CXXC5: variants seen among roughly 807,000 people sequenced by gnomAD.
The protein encoded by CXXC5 is CXXC-type zinc finger protein 5.
A neutral mutation model predicts 17.6 loss-of-function variants in CXXC5; 2 were observed. The observed-to-expected ratio is 0.11, with a 90% CI of 0.05 to 0.36. The LOEUF is 0.36. Among genes scored for constraint, CXXC5 ranks in the 10% least tolerant of loss-of-function variants. The pLI is 1.00. For synonymous variants in CXXC5, 171 were observed against 193.0 expected (o/e 0.89, Z 0.94); for missense variants, 343 against 458.3 (o/e 0.75, Z 2.30).
chr5:139,652,163 CGCGCGCGCGTGTGT>C (rs1275958957), intron 1 of CXXC5, among the ~76,000 whole-genome samples: 38 of 139,900 alleles, frequency 2.7e-4, no homozygotes, highest in African/African-American at 9.7e-4. Flanking sequence ...CGCGCGCGCG[CGCGCGCGCGTGTGT>C]GTGTGTGTGT....
chr5:139,651,333 C>T (rs1475020732), intron 1 of CXXC5, among the ~76,000 whole-genome samples: 1 of 152,060 alleles, frequency 6.6e-6, no homozygotes, highest in East Asian at 1.9e-4. Flanking sequence ...GGGCCAGTGG[C>T]CTCGTCTTTA....
chr5:139,650,222 G>A (rs1193444215), intron 1 of CXXC5, among the ~76,000 whole-genome samples: 1 of 152,176 alleles, frequency 6.6e-6, no homozygotes, highest in Non-Finnish European at 1.5e-5. Context: ...CCCGCGACGG[G>A]GGTCTGAAGG....
intron 1 of CXXC5, among the ~76,000 whole-genome samples, chr5:139,662,136 C>T (rs1755854064): frequency 6.6e-6 from 1 of 152,142 alleles, no homozygotes; most frequent in Non-Finnish European, 1.5e-5. Flanking sequence ...ATCAAATGGG[C>T]CCAGGAGTCT....
At chr5:139,655,049 G>A (rs866953385) in intron 1 of CXXC5, among the ~76,000 whole-genome samples, 4 of 152,176 alleles carry the variant, frequency 2.6e-5, no homozygotes, top group Non-Finnish European at 5.9e-5. Flanking sequence ...AGGAGGTGCC[G>A]TGGCAGCGGC....
rs990326716 is a variant in CXXC5, at chr5:139,681,780, T to G, written c.924+333T>G. Among the ~76,000 whole-genome samples, 4 of 152,242 alleles carry G rather than the reference T, an allele frequency of 2.6e-5. No individual in the cohort carries two copies. In the East Asian group the frequency reaches 7.7e-4, roughly 29 times the overall value. On this transcript the variant is annotated intron_variant, in intron 2 of 2. Transcript: ENST00000302517. ...GATTTCCATACAGGTCCTAAGTTTC[T>G]GATGCTCAGACATGGCCTAAAGCAT...
chr5:139,677,939 A>AG (rs1756949253), intron 1 of CXXC5, among the ~76,000 whole-genome samples: 2 of 152,204 alleles, frequency 1.3e-5, no homozygotes. Flanking sequence ...AGCTGGGAGG[A>AG]GGGAGGGGGT....
At chr5:139,654,577 CAT>C (rs1755388665) in intron 1 of CXXC5, among the ~76,000 whole-genome samples, 1 of 152,196 alleles carries the variant, frequency 6.6e-6, no homozygotes, top group African/African-American at 2.4e-5. Flanking sequence ...AAGAAAATAA[CAT>C]GTGGCTCACA....
intron 1 of CXXC5, among the ~76,000 whole-genome samples, chr5:139,660,801 G>A (rs1471814933): frequency 6.6e-6 from 1 of 151,580 alleles, no homozygotes; most frequent in Non-Finnish European, 1.5e-5. Context: ...TGCTGGGGTT[G>A]GGGGGAGTAC....
chr5:139,654,122 C>G (rs1051401235), intron 1 of CXXC5, among the ~76,000 whole-genome samples: 1 of 152,196 alleles, frequency 6.6e-6, no homozygotes, highest in Admixed American at 6.5e-5. Flanking sequence ...CTCCTACAGG[C>G]TCTGCCCCTC....
intron 1 of CXXC5, among the ~76,000 whole-genome samples, chr5:139,665,361 G>A (rs1051804746): frequency 7.9e-5 from 12 of 152,268 alleles, no homozygotes; most frequent in Middle Eastern, 3.2e-3. Context: ...GTGGGGGATG[G>A]GGGCACCGGG....
chr5:139,655,778 GC>G (rs1020400610), intron 1 of CXXC5, among the ~76,000 whole-genome samples: 13 of 150,644 alleles, frequency 8.6e-5, no homozygotes, highest in African/African-American at 2.7e-4. Flanking sequence ...GTGCCGGCCG[GC>G]CGTGAGAGCT....
chr5:139,682,755 A>G, intron 2 of CXXC5, 108 bp from the exon 3 acceptor site: 2 of 1,185,764 alleles, frequency 1.7e-6, no homozygotes. Context: ...CTCTTCCTCC[A>G]TGCCTGTCCC....
At chr5:139,655,115 C>T (rs1176305790) in intron 1 of CXXC5, among the ~76,000 whole-genome samples, 5 of 152,212 alleles carry the variant, frequency 3.3e-5, no homozygotes, top group East Asian at 1.9e-4. Context: ...TCTGGAAGGC[C>T]GGCTGTACCC....
intron 1 of CXXC5, among the ~76,000 whole-genome samples, chr5:139,656,669 CT>C (rs1256142495): frequency 2.6e-5 from 4 of 152,182 alleles, no homozygotes; most frequent in African/African-American, 9.7e-5. Context: ...GTTTGAAGAA[CT>C]TTAGCTGCTG....
chr5:139,667,068 G>A (rs1413568858), intron 1 of CXXC5, among the ~76,000 whole-genome samples: 1 of 152,176 alleles, frequency 6.6e-6, no homozygotes, highest in Non-Finnish European at 1.5e-5. Context: ...TAGCTGTTCA[G>A]GATCAAAGGG....
chr5:139,666,608 A>G (rs1756126382), intron 1 of CXXC5, among the ~76,000 whole-genome samples: 1 of 152,242 alleles, frequency 6.6e-6, no homozygotes, highest in South Asian at 2.1e-4. Context: ...AGGGAGATGA[A>G]CGTGGGCGCT....
chr5:139,682,990 C>T lies in CXXC5; in HGVS notation c.*83C>T, dbSNP rs1262469146. The T allele has an allele frequency of 1.7e-5, 21 of 1,228,146 alleles. No homozygotes were observed. The highest frequency in any genetic ancestry group is 2.0e-4 in the Middle Eastern group (1 of 4,970). 76.1% of individuals were successfully genotyped at this position (1,228,146 alleles called of 1,614,324 possible). ...AGCAAGGGATTCGGGCGAAGACAAA[C>T]GGATGCACCCGTCTTTAGAACCAAA... is the stretch of plus-strand genomic sequence containing the variant. On this transcript the variant is annotated 3_prime_UTR_variant, in exon 3 of 3. Coordinates refer to ENST00000302517, the MANE Select transcript of CXXC5 (RefSeq NM_016463.9).
intron 1 of CXXC5, among the ~76,000 whole-genome samples, chr5:139,654,613 G>C (rs1755390476): frequency 6.6e-6 from 1 of 152,190 alleles, no homozygotes; most frequent in Non-Finnish European, 1.5e-5. Context: ...TCTCCATTCA[G>C]CTGATTACCA....
intron 1 of CXXC5, among the ~76,000 whole-genome samples, chr5:139,653,617 G>C (rs1311886489): frequency 6.6e-6 from 1 of 152,130 alleles, no homozygotes; most frequent in Non-Finnish European, 1.5e-5. Context: ...TTGAGAAGCA[G>C]TCTGGTCCCA....
Sources: allele counts gnomAD v4.1 joint callset (sites outside exome capture counted in the v4.1 genomes callset), GRCh38; gene constraint gnomAD v4.1.1; transcripts MANE v1.5; gene names NCBI Gene and HGNC (gene_info 2026-07-23, HGNC 2026-07-21).